The following TCF4 variants were observed in gnomAD, a reference collection of about 807,000 sequenced individuals.
The protein encoded by TCF4 is SL3-3 enhancer factor 2.
In TCF4, 3 loss-of-function variants were observed where a neutral mutation model predicts 82.1. That is an observed-to-expected ratio of 0.04 (90% CI 0.02 to 0.09). The LOEUF is 0.09. Ranked by LOEUF, TCF4 falls within the 10% of genes least tolerant of loss-of-function variation. TCF4 has a pLI of 1.00. For missense variants in TCF4, 518 were observed against 852.7 expected (o/e 0.61, Z 4.89); for synonymous variants, 276 against 309.6 (o/e 0.89, Z 1.14).
chr18:55,347,667 C>G (rs530931807), intron 8 of TCF4, among the ~76,000 whole-genome samples: 19 of 152,266 alleles, frequency 1.2e-4, no homozygotes, highest in African/African-American at 4.1e-4. Context: ...CTAATGGCGG[C>G]AGAAGTCCAG....
intron 6 of TCF4, among the ~76,000 whole-genome samples, chr18:55,353,499 C>G (rs2082741874): frequency 6.6e-6 from 1 of 152,116 alleles, no homozygotes. Context: ...TTCTTTCTCA[C>G]TTGGACAATA....
intron 5 of TCF4, among the ~76,000 whole-genome samples, chr18:55,449,600 T>C (rs1457348951): frequency 6.6e-6 from 1 of 152,180 alleles, no homozygotes; most frequent in East Asian, 1.9e-4. Flanking sequence ...CTGTTAAGAG[T>C]ACAGCTTGGT....
At chr18:55,283,445 C>T (rs759364448) in intron 8 of TCF4, among the ~76,000 whole-genome samples, 2 of 152,140 alleles carry the variant, frequency 1.3e-5, no homozygotes, top group Non-Finnish European at 2.9e-5. Context: ...GTTTCACTTA[C>T]GGACATTTTA....
At chr18:55,566,054 A>C (rs1255495551) in intron 3 of TCF4, among the ~76,000 whole-genome samples, 3 of 151,138 alleles carry the variant, frequency 2.0e-5, no homozygotes, top group Non-Finnish European at 4.4e-5. Context: ...CAAAAAAAAA[A>C]AAAAAAAAAT....
intron 8 of TCF4, among the ~76,000 whole-genome samples, chr18:55,283,380 T>C (rs1288600533): frequency 6.6e-6 from 1 of 152,176 alleles, no homozygotes; most frequent in African/African-American, 2.4e-5. Context: ...AACAAAGGTA[T>C]GCCTCCTACT....
chr18:55,363,793 G>A (rs1032752120), intron 6 of TCF4, among the ~76,000 whole-genome samples: 5 of 151,888 alleles, frequency 3.3e-5, no homozygotes, highest in African/African-American at 1.2e-4. Context: ...GAAACAGAGC[G>A]ACACTCTGTC....
At chr18:55,557,211 C>T (rs923294972) in intron 3 of TCF4, among the ~76,000 whole-genome samples, 3 of 152,210 alleles carry the variant, frequency 2.0e-5, no homozygotes, top group South Asian at 2.1e-4. Flanking sequence ...AAGCATCTAA[C>T]GTGTTCTAGT....
chr18:55,348,104 T>A (rs2081569195), intron 8 of TCF4, among the ~76,000 whole-genome samples: 1 of 152,202 alleles, frequency 6.6e-6, no homozygotes, highest in African/African-American at 2.4e-5. Flanking sequence ...TGGAATCAAG[T>A]TAAAATAAAT....
intron 8 of TCF4, among the ~76,000 whole-genome samples, chr18:55,336,003 A>G (rs538574740): frequency 1.3e-5 from 2 of 152,068 alleles, no homozygotes; most frequent in Non-Finnish European, 2.9e-5. Context: ...AAGGAAAAAA[A>G]AAAGCCAGTT....
At chr18:55,247,269 G>A (rs543007982) in intron 15 of TCF4, among the ~76,000 whole-genome samples, 4 of 152,262 alleles carry the variant, frequency 2.6e-5, no homozygotes, top group African/African-American at 9.6e-5. Flanking sequence ...GTGGGCATTA[G>A]TCACACCCAT....
chr18:55,483,183 C>T (rs183735020), intron 3 of TCF4, among the ~76,000 whole-genome samples: 7 of 152,256 alleles, frequency 4.6e-5, no homozygotes, highest in Admixed American at 4.6e-4. Flanking sequence ...GTCCATATAT[C>T]CAAAATGCCA....
At chr18:55,393,347 G>A (rs1038929495) in intron 6 of TCF4, among the ~76,000 whole-genome samples, 2 of 152,206 alleles carry the variant, frequency 1.3e-5, no homozygotes, top group African/African-American at 2.4e-5. Flanking sequence ...CTGGGTGATA[G>A]AGTGAGATCT....
At chr18:55,589,573 A>G, upstream of TCF4, 1 of 1,043,596 alleles carries the variant, frequency 9.6e-7, no homozygotes, top group Non-Finnish European at 1.2e-6. Context: ...TGTTTATAAA[A>G]AAAAAAATGA....
chr18:55,363,438 C>T (rs900123869), intron 6 of TCF4, among the ~76,000 whole-genome samples: 2 of 152,136 alleles, frequency 1.3e-5, no homozygotes, highest in African/African-American at 2.4e-5. Context: ...GTAGAGATGG[C>T]CTTTGTTAGC....
At chr18:55,618,014 T>C (rs1029086550) in intron 2 of TCF4, among the ~76,000 whole-genome samples, 2 of 152,156 alleles carry the variant, frequency 1.3e-5, no homozygotes, top group Admixed American at 1.3e-4. Flanking sequence ...GTGGGCATCC[T>C]TTCTTAGTCC....
chr18:55,458,406 A>G (rs2095808027), intron 5 of TCF4, among the ~76,000 whole-genome samples: 1 of 152,242 alleles, frequency 6.6e-6, no homozygotes, highest in Admixed American at 6.5e-5. Flanking sequence ...AAAGGTCACA[A>G]CATGGGCTCT....
intron 5 of TCF4, among the ~76,000 whole-genome samples, chr18:55,427,474 G>T (rs946685973): frequency 1.3e-5 from 2 of 152,154 alleles, no homozygotes; most frequent in Non-Finnish European, 2.9e-5. Flanking sequence ...TAGCAAAGTG[G>T]ATCTGAGAGT....
intron 3 of TCF4, among the ~76,000 whole-genome samples, chr18:55,515,867 G>C (rs1410651388): frequency 6.6e-6 from 1 of 152,176 alleles, no homozygotes; most frequent in Non-Finnish European, 1.5e-5. Flanking sequence ...TTAATTTTAA[G>C]ATAGGAGAAA....
chr18:55,562,823 C>T (rs1163794869), intron 3 of TCF4, among the ~76,000 whole-genome samples: 1 of 152,126 alleles, frequency 6.6e-6, no homozygotes, highest in Non-Finnish European at 1.5e-5. Flanking sequence ...CCTAGTTGTG[C>T]TAGTTACATT....
Sources: allele counts gnomAD v4.1 joint callset (sites outside exome capture counted in the v4.1 genomes callset), GRCh38; gene constraint gnomAD v4.1.1; transcripts MANE v1.5; gene names NCBI Gene and HGNC (gene_info 2026-07-23, HGNC 2026-07-21).